Variants in IGSF11 observed in about 807,000 individuals in gnomAD.
The protein encoded by IGSF11 is immunoglobulin superfamily member 11.
IGSF11 carries 22 observed loss-of-function variants against 41.0 expected under a neutral mutation model. That is an observed-to-expected ratio of 0.54 (90% confidence interval 0.38 to 0.77). IGSF11 has a LOEUF of 0.77. Ranked by LOEUF, IGSF11 falls within the 30% of genes least tolerant of loss-of-function variation. The pLI, the probability that IGSF11 is intolerant of heterozygous loss-of-function variation, is 0.00. For synonymous variants in IGSF11, 219 were observed against 201.3 expected (o/e 1.09, Z -0.74); for missense variants, 444 against 530.8 (o/e 0.84, Z 1.61).
chr3:118,911,625 G>T (rs1176800687), intron 4 of IGSF11, among the ~76,000 whole-genome samples: 1 of 151,628 alleles, frequency 6.6e-6, no homozygotes, highest in Non-Finnish European at 1.5e-5. Context: ...AACAGAGCAA[G>T]ACTTTGTCTC....
At chr3:119,107,067 T>G (rs1338480507), upstream of IGSF11, among the ~76,000 whole-genome samples, 1 of 152,212 alleles carries the variant, frequency 6.6e-6, no homozygotes, top group African/African-American at 2.4e-5. Flanking sequence ...TGTGTCTTTA[T>G]AGCAGCATGA....
At chr3:119,069,188 A>G (rs1942326651) in intron 1 of IGSF11, among the ~76,000 whole-genome samples, 1 of 152,052 alleles carries the variant, frequency 6.6e-6, no homozygotes, top group South Asian at 2.1e-4. Context: ...TCAGCCTCCC[A>G]AAGTGCTGAG....
chr3:119,059,516 T>C (rs1225683726), intron 1 of IGSF11, among the ~76,000 whole-genome samples: 1 of 152,136 alleles, frequency 6.6e-6, no homozygotes, highest in Non-Finnish European at 1.5e-5. Context: ...AATGAACTTA[T>C]CCATATAACA....
At chr3:118,903,084 A>G in intron 6 of IGSF11, 123 bp from the exon 7 acceptor site, 1 of 900,212 alleles carries the variant, frequency 1.1e-6, no homozygotes, top group Non-Finnish European at 1.7e-6. Flanking sequence ...AGGAGAGACT[A>G]CTCTATCGTG....
chr3:118,940,652 T>C (rs1415814727), intron 1 of IGSF11, among the ~76,000 whole-genome samples: 2 of 152,076 alleles, frequency 1.3e-5, no homozygotes, highest in Non-Finnish European at 2.9e-5. Context: ...TTCAGTGAGC[T>C]GTTTTGTATA....
At chr3:119,057,626 A>G (rs1013164273) in intron 1 of IGSF11, among the ~76,000 whole-genome samples, 2 of 152,244 alleles carry the variant, frequency 1.3e-5, no homozygotes, top group African/African-American at 4.8e-5. Flanking sequence ...AAACTACTTT[A>G]AAGTTCATGT....
chr3:119,120,814 G>A (rs1246060642), intron 1 of IGSF11, among the ~76,000 whole-genome samples: 1 of 152,116 alleles, frequency 6.6e-6, no homozygotes, highest in Non-Finnish European at 1.5e-5. Flanking sequence ...TACAGCTGAT[G>A]GAATTTACAT....
intron 1 of IGSF11, among the ~76,000 whole-genome samples, chr3:119,143,016 A>C (rs2077670744): frequency 6.6e-6 from 1 of 152,192 alleles, no homozygotes; most frequent in Admixed American, 6.5e-5. Context: ...TCAGAAATAA[A>C]GAAGAAATTA....
In IGSF11 at chr3:118,902,312, T is replaced by A. The variant is rs1938959393; in HGVS notation, c.*208A>T. 1 of 516,898 alleles carries A rather than the reference T, an allele frequency of 1.9e-6. No homozygotes were observed. The highest frequency in any genetic ancestry group is 3.4e-6 in the Non-Finnish European group (1 of 291,472). The allele number at this position is 516,898 out of a possible 1,614,324, so 32.0% of individuals were successfully genotyped here. On this transcript the variant is annotated 3_prime_UTR_variant, in exon 7 of 7. Transcript: ENST00000393775. ...AGATCCAGCAGAATCCCAGGACATC[T>A]TTGGTGGGGAAGCAAGTCTTCATGA...
chr3:118,969,443 A>C (rs1459079585), intron 1 of IGSF11, among the ~76,000 whole-genome samples: 1 of 152,150 alleles, frequency 6.6e-6, no homozygotes, highest in Non-Finnish European at 1.5e-5. Flanking sequence ...TGCGTAAAGG[A>C]CAGGTTCAGG....
At chr3:119,031,611 C>A (rs997832093) in intron 1 of IGSF11, among the ~76,000 whole-genome samples, 4 of 152,230 alleles carry the variant, frequency 2.6e-5, no homozygotes, top group African/African-American at 9.6e-5. Flanking sequence ...CAGTTCTAAG[C>A]ATAACGCTTT....
intron 1 of IGSF11, among the ~76,000 whole-genome samples, chr3:119,077,544 C>A (rs2076521071): frequency 6.6e-6 from 1 of 151,946 alleles, no homozygotes; most frequent in Admixed American, 6.6e-5. Context: ...AAATAAGAGC[C>A]ATCTATGACA....
intron 1 of IGSF11, among the ~76,000 whole-genome samples, chr3:118,978,423 CCA>C (rs1209252064): frequency 6.6e-6 from 1 of 152,154 alleles, no homozygotes; most frequent in Non-Finnish European, 1.5e-5. Context: ...ACTCTTCCAC[CCA>C]CACAGCCCAC....
chr3:119,105,230 GAGAGACTTTATGTCATCATAAC>G, upstream of IGSF11: 1 of 1,403,362 alleles, frequency 7.1e-7, no homozygotes, highest in East Asian at 2.3e-5. Flanking sequence ...AACAGGGGAA[GAGAGACTTTATGTCATCATAAC>G]ATTATATGTA....
intron 1 of IGSF11, among the ~76,000 whole-genome samples, chr3:119,001,074 C>G (rs997698943): frequency 6.6e-6 from 1 of 152,136 alleles, no homozygotes; most frequent in Non-Finnish European, 1.5e-5. Context: ...GACCTTTGTA[C>G]TGGCTGTCTC....
intron 1 of IGSF11, among the ~76,000 whole-genome samples, chr3:119,082,842 C>T (rs2076605100): frequency 6.6e-6 from 1 of 152,126 alleles, no homozygotes; most frequent in Admixed American, 6.5e-5. Context: ...ACTTAGCATG[C>T]TTCTATGACC....
At chr3:119,122,332 T>C (rs982875301) in intron 1 of IGSF11, among the ~76,000 whole-genome samples, 7 of 152,196 alleles carry the variant, frequency 4.6e-5, no homozygotes, top group African/African-American at 1.7e-4. Context: ...ATATAGCTGA[T>C]ACCTGCCCAC....
At chr3:119,030,528 T>G (rs1940297327) in intron 1 of IGSF11, among the ~76,000 whole-genome samples, 1 of 152,134 alleles carries the variant, frequency 6.6e-6, no homozygotes, top group Admixed American at 6.5e-5. Context: ...ACACAGAAAA[T>G]TAATTACCCA....
chr3:119,105,312 G>A (rs1277439090), upstream of IGSF11: 22 of 633,562 alleles, frequency 3.5e-5, no homozygotes, highest in Non-Finnish European at 5.4e-5. Flanking sequence ...AACCTTCTTG[G>A]GTACAGGATT....
Sources: gnomAD v4.1 joint callset for allele counts (sites outside exome capture counted in the v4.1 genomes callset) on GRCh38, gnomAD v4.1.1 for gene constraint, MANE v1.5 for transcripts, NCBI Gene and HGNC (gene_info 2026-07-23, HGNC 2026-07-21) for gene names.